ZNF385D: variants seen among roughly 807,000 people sequenced by gnomAD.
ZNF385D encodes the protein zinc finger protein 659.
In ZNF385D, 15 loss-of-function variants were observed where a neutral mutation model predicts 35.8. That is an observed-to-expected ratio of 0.42 (90% CI 0.28 to 0.64). The LOEUF is 0.64. Ranked by LOEUF, ZNF385D falls within the 30% of genes least tolerant of loss-of-function variation. ZNF385D has a pLI of 0.23. For synonymous variants in ZNF385D, 212 were observed against 186.8 expected (o/e 1.13, Z -1.10); for missense variants, 474 against 494.6 (o/e 0.96, Z 0.39).
intron 3 of ZNF385D, among the ~76,000 whole-genome samples, chr3:21,890,780 A>G (rs1238751623): frequency 6.6e-6 from 1 of 152,206 alleles, no homozygotes; most frequent in Non-Finnish European, 1.5e-5. Context: ...GCTGATGGGA[A>G]GGGGTAATAA....
intron 4 of ZNF385D, among the ~76,000 whole-genome samples, chr3:21,448,580 A>G (rs1313683471): frequency 1.3e-5 from 2 of 152,180 alleles, no homozygotes; most frequent in Admixed American, 1.3e-4. Context: ...ATAAATATAG[A>G]ATAGGAGAAA....
In ZNF385D at chr3:21,834,769, A is replaced by ATGAATCT. The variant is rs112004753; in HGVS notation, c.326-169742_326-169741insAGATTCA. Among the ~76,000 whole-genome samples, 120 of 151,440 alleles carry ATGAATCT rather than the reference A, an allele frequency of 7.9e-4. 1 individual carries two copies. Among genetic ancestry groups the ATGAATCT allele is most frequent in the African/African-American group, 2.8e-3 (117 of 41,298 alleles). ...GACAGTGGGATCTCGTGGGAGATGAATGGATCTTGGGGCAGTTCCCCCATG... is the reference window on the plus strand; with the variant it reads ...GACAGTGGGATCTCGTGGGAGATGAATGAATCTTGGATCTTGGGGCAGTTCCCCCATG... On this transcript the variant is annotated intron_variant, in intron 3 of 5. Coordinates refer to the ZNF385D transcript ENST00000494108.
At chr3:22,272,467 A>G (rs1361329240) in intron 2 of ZNF385D, among the ~76,000 whole-genome samples, 1 of 151,978 alleles carries the variant, frequency 6.6e-6, no homozygotes, top group African/African-American at 2.4e-5. Context: ...CCAAGATTTA[A>G]TCGTTTAATT....
chr3:21,662,886 A>C (rs1364930487), intron 2 of ZNF385D, among the ~76,000 whole-genome samples: 1 of 152,238 alleles, frequency 6.6e-6, no homozygotes, highest in Non-Finnish European at 1.5e-5. Flanking sequence ...TATCACTTAA[A>C]TAGTGCTTGT....
intron 1 of ZNF385D, among the ~76,000 whole-genome samples, chr3:21,676,793 ATT>A (rs35309798): frequency 0.11 from 16,271 of 150,608 alleles, 983 homozygotes; most frequent in East Asian, 0.19. Flanking sequence ...GCCCATATGT[ATT>A]TTTTTTTTTA....
At chr3:21,989,844 A>G (rs1331108114) in intron 3 of ZNF385D, among the ~76,000 whole-genome samples, 1 of 152,110 alleles carries the variant, frequency 6.6e-6, no homozygotes, top group Non-Finnish European at 1.5e-5. Flanking sequence ...CCACTTTCAC[A>G]TGTCTGTTGA....
chr3:22,199,936 A>C (rs1188302387), intron 2 of ZNF385D, among the ~76,000 whole-genome samples: 1 of 152,146 alleles, frequency 6.6e-6, no homozygotes, highest in Admixed American at 6.6e-5. Context: ...TGCTTATTAT[A>C]TTCTAGAAAC....
intron 2 of ZNF385D, among the ~76,000 whole-genome samples, chr3:22,310,039 G>A (rs751889795): frequency 2.0e-5 from 3 of 151,948 alleles, no homozygotes; most frequent in Non-Finnish European, 2.9e-5. Flanking sequence ...TTGGGATGAG[G>A]ATTGATCCAA....
chr3:21,516,324 A>G (rs1338024125), intron 3 of ZNF385D, among the ~76,000 whole-genome samples: 2 of 152,228 alleles, frequency 1.3e-5, no homozygotes, highest in African/African-American at 4.8e-5. Context: ...GATAATTACA[A>G]TAGGAGACCA....
intron 3 of ZNF385D, among the ~76,000 whole-genome samples, chr3:21,827,449 T>C (rs750639028): frequency 5.9e-5 from 9 of 152,198 alleles, no homozygotes; most frequent in Non-Finnish European, 8.8e-5. Context: ...CAAATACTTA[T>C]CGAGACATCA....
intron 3 of ZNF385D, among the ~76,000 whole-genome samples, chr3:21,962,303 G>C (rs1338312836): frequency 6.6e-6 from 1 of 152,018 alleles, no homozygotes; most frequent in Non-Finnish European, 1.5e-5. Context: ...GAAAAAGAGG[G>C]GTAGAAGGTA....
At chr3:22,274,967 A>G (rs1342214256) in intron 2 of ZNF385D, among the ~76,000 whole-genome samples, 1 of 152,082 alleles carries the variant, frequency 6.6e-6, no homozygotes, top group African/African-American at 2.4e-5. Context: ...TAAGAAAACA[A>G]GAAGAGTTGT....
intron 3 of ZNF385D, among the ~76,000 whole-genome samples, chr3:22,005,364 G>A (rs1696137619): frequency 1.3e-5 from 2 of 151,974 alleles, no homozygotes; most frequent in South Asian, 4.1e-4. Flanking sequence ...CAGTCATTAT[G>A]GAAAACAGTG....
chr3:21,944,118 T>C (rs1391277657), intron 3 of ZNF385D, among the ~76,000 whole-genome samples: 2 of 152,214 alleles, frequency 1.3e-5, no homozygotes, highest in African/African-American at 4.8e-5. Context: ...TTAAATGGAA[T>C]AAAAATTCAT....
intron 3 of ZNF385D, among the ~76,000 whole-genome samples, chr3:21,977,963 G>C (rs941910808): frequency 2.0e-5 from 3 of 152,150 alleles, no homozygotes; most frequent in Admixed American, 2.0e-4. Flanking sequence ...TCTGCTTTTT[G>C]TTCAGCAGAC....
intron 1 of ZNF385D, among the ~76,000 whole-genome samples, chr3:21,700,561 C>T (rs1247671394): frequency 6.6e-6 from 1 of 152,112 alleles, no homozygotes; most frequent in Non-Finnish European, 1.5e-5. Flanking sequence ...TGACAGAAGA[C>T]CTAAGTACAC....
At chr3:21,742,601 G>C (rs2069571795) in intron 1 of ZNF385D, among the ~76,000 whole-genome samples, 1 of 152,200 alleles carries the variant, frequency 6.6e-6, no homozygotes, top group Admixed American at 6.5e-5. Flanking sequence ...TGGAGGGCAA[G>C]AGAAAGGGAG....
At chr3:22,132,412 G>A (rs901666570) in intron 3 of ZNF385D, among the ~76,000 whole-genome samples, 2 of 152,048 alleles carry the variant, frequency 1.3e-5, no homozygotes, top group Non-Finnish European at 2.9e-5. Flanking sequence ...AATCTACCCA[G>A]TTTATGATAT....
chr3:22,147,449 A>G (rs1704934229), intron 3 of ZNF385D, among the ~76,000 whole-genome samples: 1 of 152,180 alleles, frequency 6.6e-6, no homozygotes, highest in African/African-American at 2.4e-5. Context: ...TAACTGGGAA[A>G]GAGATATTCT....
Sources: gnomAD v4.1 joint callset for allele counts (sites outside exome capture counted in the v4.1 genomes callset) on GRCh38, gnomAD v4.1.1 for gene constraint, MANE v1.5 for transcripts, NCBI Gene and HGNC (gene_info 2026-07-23, HGNC 2026-07-21) for gene names.